Variants in ZNF562 observed in about 807,000 individuals in gnomAD.
The protein encoded by ZNF562 is zinc finger protein 562.
ZNF562 carries 13 observed loss-of-function variants against 17.5 expected under a neutral mutation model. The ratio of observed to expected loss-of-function variants is 0.74; its 90% CI spans 0.48 to 1.18. ZNF562 has a LOEUF of 1.18. Among genes scored for constraint, ZNF562 ranks in the 50% most tolerant of loss-of-function variants. The pLI is 0.00. For synonymous variants in ZNF562, 163 were observed against 165.4 expected, an observed-to-expected ratio of 0.99 and a Z score of 0.11; for missense variants, 481 against 498.5, an observed-to-expected ratio of 0.96 and a Z score of 0.33.
At position 9,660,850 on chromosome 19, in the gene ZNF562, C is replaced by G. The variant is rs2043708395; in HGVS notation, c.-106G>C. The G allele has an allele frequency of 3.4e-6, 4 of 1,184,256 alleles. No individual in the cohort carries two copies. In the South Asian group the frequency reaches 4.1e-5, roughly 12 times the overall value. The allele number at this position is 1,184,256 out of a possible 1,614,324, so 73.4% of individuals were successfully genotyped here. ...GGTGGATACAGGCAATCTCCATTCC[C>G]CTTTGTACAGGGTTATCTGAGGCCC... On this transcript the variant is annotated 5_prime_UTR_variant, in exon 2 of 6. Transcript: ENST00000453372.
In ZNF562 at chr19:9,653,483, C is replaced by T. The variant is rs1358385199; in HGVS notation, c.747G>A (p.Gln249=). The change falls in exon 6 of 6, where the codon CAG becomes CAA. Residue 249 remains glutamine (Q), a synonymous_variant. Transcript: ENST00000453372. ...TCTTTCCAGTATGAACTGCTACACACTGCTTTAAGTGTGAGGAAGTTGTGA... is the reference window on the plus strand; with the variant it reads ...TCTTTCCAGTATGAACTGCTACACATTGCTTTAAGTGTGAGGAAGTTGTGA... ...RAITTSSHLK[Q]CVAVHTGKKS... is the part of the protein sequence containing the mutation. 2 of 1,614,174 alleles carry T rather than the reference C, an allele frequency of 1.2e-6. No homozygotes were observed. The highest frequency in any genetic ancestry group is 2.2e-5 in the South Asian group (2 of 91,086).
chr19:9,671,599 A>G (rs958211755), intron 1 of ZNF562, among the ~76,000 whole-genome samples: 1 of 152,212 alleles, frequency 6.6e-6, no homozygotes, highest in African/African-American at 2.4e-5. Flanking sequence ...ACCTGTAAGG[A>G]TTCTAGTTTC....
intron 1 of ZNF562, among the ~76,000 whole-genome samples, chr19:9,669,666 C>T (rs772444582): frequency 1.7e-4 from 25 of 151,324 alleles, no homozygotes; most frequent in African/African-American, 3.6e-4. Context: ...CACACATGCA[C>T]GCACAAAACC....
At chr19:9,655,733 T>C (rs1163825074) in intron 5 of ZNF562, among the ~76,000 whole-genome samples, 2 of 112,734 alleles carry the variant, frequency 1.8e-5, no homozygotes, top group African/African-American at 6.5e-5. Flanking sequence ...TTTTTTTTTT[T>C]TTTTTTTTTT....
intron 4 of ZNF562, among the ~76,000 whole-genome samples, chr19:9,657,297 G>T (rs1006481914): frequency 2.3e-4 from 35 of 150,462 alleles, no homozygotes; most frequent in African/African-American, 6.8e-4. Context: ...GGGAAGCTGA[G>T]GCAGGAGAAT....
Position 9,668,800 on chromosome 19 carries a change from C to T in ZNF562, c.-131+6215G>A, listed in dbSNP as rs1051238814. The stretch of plus-strand genomic sequence containing the variant: ...TAGATCAATGGAAGAGAACAAAGAA[C>T]CTAAATACAAATCTACACATGTACA... On this transcript the variant is annotated intron_variant, in intron 1 of 5. Transcript: ENST00000453372. Among the ~76,000 whole-genome samples, 9 of 151,866 alleles carry T rather than the reference C, an allele frequency of 5.9e-5. No homozygotes were observed. The South Asian group carries it at 1.9e-3, about 32-fold the overall frequency.
rs967815091 is a variant in ZNF562, at chr19:9,646,542, C to T, written c.*6407G>A. 4.0e-5 allele frequency: 6 copies of T among 150,988 alleles called. No homozygotes were observed. Among genetic ancestry groups the T allele is most frequent in the African/African-American group, 1.2e-4 (5 of 40,982 alleles). The allele number at this position is 150,988 out of a possible 1,614,324, so 9.4% of individuals were successfully genotyped here. A position where few individuals can be genotyped will look rare whatever the true frequency, so the allele number is the denominator to read the frequency against. On this transcript the variant is annotated 3_prime_UTR_variant, in exon 6 of 6. Transcript: ENST00000453372. Reference sequence around the variant, plus strand: ...CAAGAAATAGTGTAGATTTTTCAAGCGAAATATCTGAAAGAATTCATAAAC... The same window carrying T: ...CAAGAAATAGTGTAGATTTTTCAAGTGAAATATCTGAAAGAATTCATAAAC...
intron 1 of ZNF562, among the ~76,000 whole-genome samples, chr19:9,669,462 C>T (rs2044064768): frequency 6.6e-6 from 1 of 152,058 alleles, no homozygotes; most frequent in Admixed American, 6.6e-5. Context: ...ATAACAAATG[C>T]TGATGAGGAT....
chr19:9,668,093 G>A (rs1190946335), intron 1 of ZNF562, among the ~76,000 whole-genome samples: 1 of 152,096 alleles, frequency 6.6e-6, no homozygotes, highest in Non-Finnish European at 1.5e-5. Context: ...TAAAATGCCA[G>A]CACCAGGCAT....
chr19:9,652,268 T>C lies in ZNF562; in HGVS notation c.*681A>G, dbSNP rs16981600. 3.3e-5 allele frequency: 5 copies of C among 152,162 alleles called. No individual in the cohort carries two copies. Among genetic ancestry groups the C allele is most frequent in the South Asian group, 2.1e-4 (1 of 4,828 alleles). 9.4% of individuals were successfully genotyped at this position (152,162 alleles called of 1,614,324 possible). A position where few individuals can be genotyped will look rare whatever the true frequency, so the allele number is the denominator to read the frequency against. ...CTTCTTATTTTACAAGAAGGGGACA[T>C]AGAAATAATCAGCTGTGAAAGGGCA... is the stretch of plus-strand genomic sequence containing the variant. On this transcript the variant is annotated 3_prime_UTR_variant, in exon 6 of 6. Transcript: ENST00000453372.
intron 1 of ZNF562, among the ~76,000 whole-genome samples, chr19:9,670,859 G>A (rs2044169009): frequency 6.6e-6 from 1 of 152,032 alleles, no homozygotes; most frequent in East Asian, 1.9e-4. Context: ...TTAGCCGGGT[G>A]TGGTGGTGCA....
chr19:9,668,067 A>G (rs2044018727), intron 1 of ZNF562, among the ~76,000 whole-genome samples: 1 of 152,196 alleles, frequency 6.6e-6, no homozygotes, highest in Non-Finnish European at 1.5e-5. Context: ...CACATTTACA[A>G]TAGCTGCAAA....
intron 5 of ZNF562, 131 bp downstream of exon 5, chr19:9,656,416 A>C: frequency 3.2e-4 from 282 of 882,148 alleles, no homozygotes; most frequent in East Asian, 4.8e-4. Flanking sequence ...GGCTGAGGCA[A>C]GAGAATCGCT....
At position 9,652,981 on chromosome 19, in the gene ZNF562, T is replaced by C; in HGVS notation, c.1249A>G (p.Lys417Glu). ...TCTCCACTGTGAGTTTTCAAATGTT[T>C]ACTACGATGGGAAGAAGTAATGAAG... ...KTFITSSHRS[K>E]HLKTHSGER The change falls in exon 6 of 6, where the codon AAA (lysine) becomes GAA (glutamate). Residue 417 changes from lysine to glutamate, a missense_variant. Lys to Glu is a moderately conservative substitution (Grantham distance 56, BLOSUM62 1). Coordinates refer to ENST00000453372, the MANE Select transcript of ZNF562 (RefSeq NM_001130031.2). The C allele has an allele frequency of 6.6e-7, 1 of 1,511,624 alleles. No homozygotes were observed. The highest frequency in any genetic ancestry group is 8.8e-7 in the Non-Finnish European group (1 of 1,131,158). 93.6% of individuals were successfully genotyped at this position (1,511,624 alleles called of 1,614,324 possible).
Position 9,653,636 on chromosome 19 carries a change from G to T in ZNF562, c.594C>A (p.Leu198=), listed in dbSNP as rs1403089792. ...TPGLAVHLEI[L]NGRQPYKCKE... is the part of the protein sequence containing the mutation. ...TACATTTGTAGGGTTGTCTTCCATT[G>T]AGAATTTCAAGATGCACAGCAAGGC... The change falls in exon 6 of 6, where the codon CTC becomes CTA. Residue 198 remains leucine (L), a synonymous_variant. Coordinates refer to ENST00000453372, the MANE Select transcript of ZNF562 (RefSeq NM_001130031.2). The T allele has an allele frequency of 3.1e-6, 5 of 1,614,048 alleles. No individual in the cohort carries two copies. The Admixed American group carries it at 8.3e-5, about 27-fold the overall frequency.
chr19:9,661,086 T>G, intron 1 of ZNF562, among the ~76,000 whole-genome samples: 1 of 152,204 alleles, frequency 6.6e-6, no homozygotes, highest in Admixed American at 6.5e-5. Context: ...ATATACATGC[T>G]CACTTAATTA....
rs761539231 is a variant in ZNF562, at chr19:9,652,909, G to A, written c.*40C>T. ...TCTCTCTGGTAGGAGTTCACAGGTG[G>A]GGTGAGGAATACAGAAATTCTTTCC... On this transcript the variant is annotated 3_prime_UTR_variant, in exon 6 of 6. Transcript: ENST00000453372. The A allele has an allele frequency of 6.8e-7, 1 of 1,461,702 alleles. No homozygotes were observed. The highest frequency in any genetic ancestry group is 9.1e-7 in the Non-Finnish European group (1 of 1,103,990). The allele number at this position is 1,461,702 out of a possible 1,614,324, so 90.5% of individuals were successfully genotyped here.
At chr19:9,671,061 T>C (rs1443843849) in intron 1 of ZNF562, among the ~76,000 whole-genome samples, 6 of 151,182 alleles carry the variant, frequency 4.0e-5, no homozygotes, top group African/African-American at 1.5e-4. Flanking sequence ...AAATAAGAAC[T>C]GGTATTCAAT....
intron 1 of ZNF562, among the ~76,000 whole-genome samples, chr19:9,670,759 C>A (rs114277852): frequency 6.6e-6 from 1 of 152,016 alleles, no homozygotes. Context: ...GAGGCCAAGG[C>A]GGGCAGATCA....
Sources: allele counts gnomAD v4.1 joint callset (sites outside exome capture counted in the v4.1 genomes callset), GRCh38; gene constraint gnomAD v4.1.1; transcripts MANE v1.5; gene names NCBI Gene and HGNC (gene_info 2026-07-23, HGNC 2026-07-21).